TMTC1: variants seen among roughly 807,000 people sequenced by gnomAD.
TMTC1 encodes the protein protein O-mannosyl-transferase TMTC1.
TMTC1 carries 73 observed loss-of-function variants against 104.8 expected under a neutral mutation model. The observed-to-expected ratio is 0.70, with a 90% confidence interval of 0.58 to 0.85. TMTC1 has a LOEUF of 0.85. Ranked by LOEUF, TMTC1 falls within the 40% of genes least tolerant of loss-of-function variation. The pLI is 0.00. For synonymous variants in TMTC1, 434 were observed against 428.7 expected (o/e 1.01, Z -0.15); for missense variants, 1,035 against 1,096.1 (o/e 0.94, Z 0.79).
At chr12:29,588,306 C>T (rs1946193576) in intron 7 of TMTC1, among the ~76,000 whole-genome samples, 1 of 152,222 alleles carries the variant, frequency 6.6e-6, no homozygotes, top group Non-Finnish European at 1.5e-5. Flanking sequence ...CTCCCTGGTT[C>T]AACCTTAAAG....
At chr12:29,587,271 C>A (rs538251939) in intron 7 of TMTC1, among the ~76,000 whole-genome samples, 1 of 151,962 alleles carries the variant, frequency 6.6e-6, no homozygotes, top group East Asian at 1.9e-4. Flanking sequence ...TCTGTGAGAT[C>A]GGTGGTGATA....
chr12:29,759,829 C>T (rs1051303170), intron 2 of TMTC1, among the ~76,000 whole-genome samples: 3 of 151,702 alleles, frequency 2.0e-5, no homozygotes, highest in African/African-American at 7.3e-5. Context: ...GGGATCCCAC[C>T]GAACAAACTT....
chr12:29,767,547 T>C (rs1342629298), intron 2 of TMTC1, among the ~76,000 whole-genome samples: 1 of 152,166 alleles, frequency 6.6e-6, no homozygotes, highest in Admixed American at 6.5e-5. Flanking sequence ...TATCTGCAAA[T>C]ACAAAACTGA....
chr12:29,577,328 G>A (rs1381890121), intron 8 of TMTC1, among the ~76,000 whole-genome samples: 1 of 150,674 alleles, frequency 6.6e-6, no homozygotes, highest in African/African-American at 2.4e-5. Context: ...CTTCCTTGGG[G>A]GCTGAGATGA....
intron 9 of TMTC1, among the ~76,000 whole-genome samples, chr12:29,560,286 G>A (rs1045735935): frequency 7.2e-5 from 11 of 152,128 alleles, no homozygotes; most frequent in African/African-American, 2.2e-4. Flanking sequence ...GTTTGTAAGA[G>A]CACTCACTGG....
chr12:29,668,454 C>CTTT (rs66652706), intron 5 of TMTC1, among the ~76,000 whole-genome samples: 40 of 90,094 alleles, frequency 4.4e-4, no homozygotes, highest in African/African-American at 8.6e-4. Context: ...ACCAACTTAT[C>CTTT]TTTTTTTTTT....
At chr12:29,753,223 C>T (rs779514256) in intron 4 of TMTC1, among the ~76,000 whole-genome samples, 3 of 152,150 alleles carry the variant, frequency 2.0e-5, no homozygotes, top group Non-Finnish European at 1.5e-5. Context: ...GAGTAGACCC[C>T]TAGGTGCTTG....
intron 5 of TMTC1, among the ~76,000 whole-genome samples, chr12:29,731,813 C>T (rs1942553334): frequency 6.6e-6 from 1 of 152,148 alleles, no homozygotes; most frequent in African/African-American, 2.4e-5. Context: ...TGACCTAATT[C>T]TTCCAAGCCA....
At chr12:29,712,885 C>T (rs574421631) in intron 5 of TMTC1, among the ~76,000 whole-genome samples, 6 of 152,148 alleles carry the variant, frequency 3.9e-5, no homozygotes, top group Non-Finnish European at 8.8e-5. Flanking sequence ...AATCTTTTAT[C>T]CATTGCGATA....
At chr12:29,755,270 G>C (rs1295695237) in intron 4 of TMTC1, among the ~76,000 whole-genome samples, 1 of 152,218 alleles carries the variant, frequency 6.6e-6, no homozygotes, top group East Asian at 1.9e-4. Context: ...AAAACTCTTA[G>C]GTAACAGCAT....
intron 17 of TMTC1, among the ~76,000 whole-genome samples, chr12:29,509,517 T>C (rs1004814829): frequency 2.0e-5 from 3 of 152,204 alleles, no homozygotes; most frequent in Non-Finnish European, 2.9e-5. Context: ...CAATGCCCGA[T>C]GCACACATGA....
At chr12:29,758,925 A>C in intron 2 of TMTC1, 148 bp from the exon 3 acceptor site, 1 of 669,402 alleles carries the variant, frequency 1.5e-6, no homozygotes, top group Non-Finnish European at 2.4e-6. Flanking sequence ...GTTCTGATAT[A>C]TGGCTAAGCA....
chr12:29,777,828 T>A (rs1943747657), intron 1 of TMTC1, among the ~76,000 whole-genome samples: 1 of 152,228 alleles, frequency 6.6e-6, no homozygotes, highest in Non-Finnish European at 1.5e-5. Flanking sequence ...ACTTGTGTCC[T>A]ATGATAGACT....
At chr12:29,768,905 T>A (rs1411412504) in intron 1 of TMTC1, among the ~76,000 whole-genome samples, 1 of 152,170 alleles carries the variant, frequency 6.6e-6, no homozygotes, top group East Asian at 1.9e-4. Context: ...CAGGACATAA[T>A]ACACCCAATT....
intron 6 of TMTC1, among the ~76,000 whole-genome samples, chr12:29,606,970 C>T (rs1946716313): frequency 8.3e-6 from 1 of 121,010 alleles, no homozygotes; most frequent in Non-Finnish European, 1.8e-5. Flanking sequence ...AGCCAACCTT[C>T]CTGCCCCCCC....
At chr12:29,566,463 A>G (rs993845685) in intron 9 of TMTC1, among the ~76,000 whole-genome samples, 2 of 152,136 alleles carry the variant, frequency 1.3e-5, no homozygotes, top group African/African-American at 4.8e-5. Flanking sequence ...GTGGGGCTCC[A>G]GCGGGGCTGG....
In TMTC1 at chr12:29,583,553, A is replaced by C. The variant is rs768447978; in HGVS notation, c.1272T>G (p.Phe424Leu). 3.7e-6 allele frequency: 6 copies of C among 1,613,056 alleles called. No individual in the cohort carries two copies. The East Asian group carries it at 1.1e-4, about 30-fold the overall frequency. ...YMPSMGYCIL[F>L]VHGLSKLCTW... ...TGCAGAGCTTGCTCAGTCCATGCAC[A>C]AAAAGGATGCAGTAGCCCATGCTGG... The change falls in exon 8 of 18, where the codon TTT (phenylalanine) becomes TTG (leucine). Residue 424 changes from phenylalanine (F) to leucine (L), a missense_variant. Phe to Leu is a conservative substitution (Grantham distance 22). Coordinates refer to ENST00000539277, the MANE Select transcript of TMTC1 (RefSeq NM_001193451.2).
chr12:29,603,021 A>G (rs1437690317), intron 7 of TMTC1, among the ~76,000 whole-genome samples: 2 of 152,174 alleles, frequency 1.3e-5, no homozygotes, highest in African/African-American at 4.8e-5. Flanking sequence ...TGTATTCCCT[A>G]TTATTGGCAA....
intron 5 of TMTC1, among the ~76,000 whole-genome samples, chr12:29,723,269 A>T (rs980459378): frequency 1.3e-5 from 2 of 152,170 alleles, no homozygotes; most frequent in Non-Finnish European, 2.9e-5. Flanking sequence ...TAATTCTAAT[A>T]AAAACTTCTA....
Sources: allele counts gnomAD v4.1 joint callset (sites outside exome capture counted in the v4.1 genomes callset), GRCh38; gene constraint gnomAD v4.1.1; transcripts MANE v1.5; gene names NCBI Gene and HGNC (gene_info 2026-07-23, HGNC 2026-07-21).